ENPP1: variants seen among roughly 807,000 people sequenced by gnomAD.
ENPP1 encodes the protein ectonucleotide pyrophosphatase/phosphodiesterase family member 1.
In ENPP1, 73 loss-of-function variants were observed where a neutral mutation model predicts 122.8. The observed-to-expected ratio is 0.59, with a 90% CI of 0.49 to 0.72. The LOEUF (loss-of-function observed/expected upper bound fraction) is 0.72. Ranked by LOEUF, ENPP1 falls within the 30% of genes least tolerant of loss-of-function variation. ENPP1 has a pLI of 0.00. For missense variants in ENPP1, 978 were observed against 1,128.1 expected (o/e 0.87, Z 1.91); for synonymous variants, 367 against 391.6 (o/e 0.94, Z 0.74).
chr6:131,816,715 T>C (rs987632982), intron 1 of ENPP1, among the ~76,000 whole-genome samples: 1 of 152,208 alleles, frequency 6.6e-6, no homozygotes, highest in African/African-American at 2.4e-5. Flanking sequence ...TTACTTTTAG[T>C]TTTTAGAAGA....
chr6:131,824,662 G>A (rs1270062049), intron 1 of ENPP1, among the ~76,000 whole-genome samples: 1 of 152,034 alleles, frequency 6.6e-6, no homozygotes, highest in Non-Finnish European at 1.5e-5. Flanking sequence ...CACTGTGTTG[G>A]CCAGGCTGGT....
intron 24 of ENPP1, among the ~76,000 whole-genome samples, chr6:131,890,132 A>G (rs538018226): frequency 6.6e-6 from 1 of 152,258 alleles, no homozygotes; most frequent in East Asian, 1.9e-4. Context: ...CTTTTCCCCA[A>G]ACTTGAAGCA....
intron 17 of ENPP1, 46 bp from the exon 18 acceptor site, chr6:131,876,946 T>C: frequency 6.3e-7 from 1 of 1,580,328 alleles, no homozygotes; most frequent in Non-Finnish European, 8.7e-7. Flanking sequence ...TACTATTTGT[T>C]TGATTTGAAA....
chr6:131,866,220 G>A (rs1782089572), intron 11 of ENPP1, among the ~76,000 whole-genome samples: 1 of 151,914 alleles, frequency 6.6e-6, no homozygotes, highest in South Asian at 2.1e-4. Flanking sequence ...GTGATTCCAA[G>A]GGGTCATAGA....
intron 24 of ENPP1, among the ~76,000 whole-genome samples, chr6:131,889,964 T>A (rs766713227): frequency 6.7e-6 from 1 of 150,266 alleles, no homozygotes; most frequent in Non-Finnish European, 1.5e-5. Context: ...CTGTTGTTTT[T>A]TGACTTTTTA....
chr6:131,836,638 A>G (rs1781677661), intron 1 of ENPP1, among the ~76,000 whole-genome samples: 1 of 152,202 alleles, frequency 6.6e-6, no homozygotes, highest in African/African-American at 2.4e-5. Flanking sequence ...ACAAATTAGA[A>G]GCAAGTACTG....
chr6:131,834,743 T>A (rs1287281225), intron 1 of ENPP1, among the ~76,000 whole-genome samples: 2 of 142,490 alleles, frequency 1.4e-5, no homozygotes, highest in African/African-American at 2.5e-5. Flanking sequence ...ACCATTTTAG[T>A]AGAGACGGGG....
At chr6:131,814,117 C>T (rs554085920) in intron 1 of ENPP1, among the ~76,000 whole-genome samples, 2 of 152,114 alleles carry the variant, frequency 1.3e-5, no homozygotes, top group Admixed American at 6.5e-5. Flanking sequence ...ATGGAAATGC[C>T]GATCCATCCA....
At chr6:131,854,501 A>G (rs1781920722) in intron 5 of ENPP1, among the ~76,000 whole-genome samples, 1 of 152,158 alleles carries the variant, frequency 6.6e-6, no homozygotes, top group Non-Finnish European at 1.5e-5. Context: ...TAGAGTCCAT[A>G]TCAGAAAGTG....
At chr6:131,820,224 T>C (rs1420638875) in intron 1 of ENPP1, 1 of 209,956 alleles carries the variant, frequency 4.8e-6, no homozygotes, top group Non-Finnish European at 9.6e-6. Flanking sequence ...TAGTAACTTT[T>C]AGAAGTATAA....
At chr6:131,821,316 G>A (rs371467969) in intron 1 of ENPP1, among the ~76,000 whole-genome samples, 24 of 152,158 alleles carry the variant, frequency 1.6e-4, no homozygotes, top group Non-Finnish European at 2.2e-4. Flanking sequence ...ATTAACCCTC[G>A]CTGTGCCACT....
intron 1 of ENPP1, among the ~76,000 whole-genome samples, chr6:131,810,798 C>T (rs930868969): frequency 1.3e-5 from 2 of 152,182 alleles, no homozygotes; most frequent in Non-Finnish European, 2.9e-5. Context: ...GCAGTTTTCT[C>T]AGATAAACTA....
Position 131,890,266 on chromosome 6 carries a change from G to A in ENPP1, c.2608-75G>A, listed in dbSNP as rs1782450427. ...TGAAATCTCGTAAATGATTAAACTG[G>A]GGAGATGGAGCACTTATAGAAGTGA... On this transcript the variant is annotated intron_variant, in intron 24 of 24. Coordinates refer to ENST00000647893, the MANE Select transcript of ENPP1 (RefSeq NM_006208.3). 41 of 1,151,316 alleles carry A rather than the reference G, an allele frequency of 3.6e-5. No homozygotes were observed. The South Asian group carries it at 4.9e-4, about 14-fold the overall frequency. The allele number at this position is 1,151,316 out of a possible 1,614,324, so 71.3% of individuals were successfully genotyped here.
At chr6:131,848,603 A>G (rs1781843230) in intron 2 of ENPP1, among the ~76,000 whole-genome samples, 1 of 152,198 alleles carries the variant, frequency 6.6e-6, no homozygotes, top group South Asian at 2.1e-4. Flanking sequence ...ACTATTCAGA[A>G]CACATGTATC....
intron 2 of ENPP1, 150 bp from the exon 3 acceptor site, chr6:131,849,840 A>G: frequency 1.5e-6 from 1 of 647,750 alleles, no homozygotes; most frequent in Non-Finnish European, 2.8e-6. Flanking sequence ...TGTATTTGTG[A>G]AAAGATTTTT....
chr6:131,841,385 G>A (rs959176777), intron 1 of ENPP1, among the ~76,000 whole-genome samples: 1 of 152,202 alleles, frequency 6.6e-6, no homozygotes, highest in Non-Finnish European at 1.5e-5. Context: ...GATAGGCAAT[G>A]TAGTCAGCTG....
intron 22 of ENPP1, among the ~76,000 whole-genome samples, chr6:131,884,003 G>A (rs1168589113): frequency 6.6e-6 from 1 of 152,112 alleles, no homozygotes; most frequent in Non-Finnish European, 1.5e-5. Context: ...GAAAGTATGT[G>A]ATGCGCTTCC....
At chr6:131,884,840 T>C (rs1782355461) in intron 22 of ENPP1, 91 bp from the exon 23 acceptor site, 1 of 1,406,900 alleles carries the variant, frequency 7.1e-7, no homozygotes, top group Non-Finnish European at 1.0e-6. Flanking sequence ...TTACTATAAA[T>C]GCTAATTTTG....
At chr6:131,875,461 T>G (rs916437993) in intron 16 of ENPP1, among the ~76,000 whole-genome samples, 7 of 152,058 alleles carry the variant, frequency 4.6e-5, no homozygotes, top group African/African-American at 1.7e-4. Flanking sequence ...ATTTGATCCC[T>G]GCATCACTGT....
Sources: gnomAD v4.1 joint callset for allele counts (sites outside exome capture counted in the v4.1 genomes callset) on GRCh38, gnomAD v4.1.1 for gene constraint, MANE v1.5 for transcripts, NCBI Gene and HGNC (gene_info 2026-07-23, HGNC 2026-07-21) for gene names.